Variants in XYLT1 observed in about 807,000 individuals in gnomAD.
The protein encoded by XYLT1 is beta-D-xylosyltransferase 1.
XYLT1 carries 36 observed loss-of-function variants against 91.3 expected under a neutral mutation model. The observed-to-expected ratio is 0.39, with a 90% CI of 0.30 to 0.52. The LOEUF (loss-of-function observed/expected upper bound fraction) is 0.52, where lower values mean the gene tolerates loss of function less well. XYLT1 is among the 20% of genes least tolerant of loss of function. XYLT1 has a pLI of 0.68. For missense variants in XYLT1, 1,242 were observed against 1,284.5 expected, an observed-to-expected ratio of 0.97 and a Z score of 0.51; for synonymous variants, 588 against 532.0, an observed-to-expected ratio of 1.11 and a Z score of -1.45.
At chr16:17,285,892 G>C (rs886160024) in intron 2 of XYLT1, among the ~76,000 whole-genome samples, 5 of 107,214 alleles carry the variant, frequency 4.7e-5, no homozygotes, top group Admixed American at 8.7e-5. Flanking sequence ...GTGTGTGTGT[G>C]TGTGTGTGTG....
intron 2 of XYLT1, among the ~76,000 whole-genome samples, chr16:17,302,073 G>A (rs1321011241): frequency 3.3e-5 from 5 of 152,058 alleles, no homozygotes; most frequent in African/African-American, 7.2e-5. Context: ...TTAGCCAGGC[G>A]TGGTGGCATA....
At chr16:17,248,080 T>C (rs1440218015) in intron 3 of XYLT1, among the ~76,000 whole-genome samples, 3 of 152,144 alleles carry the variant, frequency 2.0e-5, no homozygotes, top group East Asian at 3.9e-4. Flanking sequence ...ATAATTCCCA[T>C]GTGTCATGGG....
chr16:17,207,052 CTTTT>C (rs1211378641), intron 3 of XYLT1, among the ~76,000 whole-genome samples: 6 of 121,070 alleles, frequency 5.0e-5, no homozygotes, highest in South Asian at 2.4e-4. Flanking sequence ...TCTTTTCTTT[CTTTT>C]TTTTTTTTTT....
At chr16:17,277,281 G>T (rs1321715479) in intron 2 of XYLT1, among the ~76,000 whole-genome samples, 1 of 152,062 alleles carries the variant, frequency 6.6e-6, no homozygotes, top group African/African-American at 2.4e-5. Flanking sequence ...GTGTGATGCT[G>T]AAGTATGGAG....
intron 3 of XYLT1, among the ~76,000 whole-genome samples, chr16:17,208,461 T>C (rs2032697911): frequency 1.3e-5 from 2 of 152,204 alleles, no homozygotes; most frequent in African/African-American, 4.8e-5. Flanking sequence ...TCTGTGTATA[T>C]GTAATGAGAT....
intron 1 of XYLT1, among the ~76,000 whole-genome samples, chr16:17,417,381 G>C (rs2036192252): frequency 6.6e-6 from 1 of 152,026 alleles, no homozygotes; most frequent in Non-Finnish European, 1.5e-5. Context: ...GTCTAGTCTG[G>C]ATCCTTTTGC....
At chr16:17,147,744 G>A (rs1268229980) in intron 6 of XYLT1, among the ~76,000 whole-genome samples, 4 of 150,828 alleles carry the variant, frequency 2.7e-5, no homozygotes. Context: ...GGCATCAGCT[G>A]TTTGGGCAGG....
At chr16:17,370,968 T>C (rs1357890187) in intron 1 of XYLT1, among the ~76,000 whole-genome samples, 2 of 152,166 alleles carry the variant, frequency 1.3e-5, no homozygotes, top group African/African-American at 4.8e-5. Flanking sequence ...GTGGCTGCTG[T>C]GGGCATTGGT....
At chr16:17,396,636 C>T (rs548104256) in intron 1 of XYLT1, among the ~76,000 whole-genome samples, 2 of 152,222 alleles carry the variant, frequency 1.3e-5, no homozygotes, top group Non-Finnish European at 2.9e-5. Context: ...TTTGGGAGGC[C>T]GAGGCAGGCA....
chr16:17,327,581 C>T (rs1290974827), intron 2 of XYLT1, among the ~76,000 whole-genome samples: 1 of 132,208 alleles, frequency 7.6e-6, no homozygotes, highest in East Asian at 2.8e-4. Flanking sequence ...CCAGGATGGT[C>T]TCAATCTCCT....
intron 5 of XYLT1, among the ~76,000 whole-genome samples, chr16:17,177,047 C>T (rs1313264505): frequency 2.0e-5 from 3 of 152,192 alleles, no homozygotes; most frequent in Non-Finnish European, 4.4e-5. Context: ...TATCCCCTTG[C>T]CACACTCTGT....
rs1347330874 is a variant in XYLT1, at chr16:17,465,834, G to GC, written c.363+4599dup. ...TTTTTGAACACTGATTAAGGAACAGGCCCACATGAGTTCACATATATTGCT... is the reference window on the plus strand; with the variant it reads ...TTTTTGAACACTGATTAAGGAACAGGCCCCACATGAGTTCACATATATTGCT... On this transcript the variant is annotated intron_variant, in intron 1 of 11. Transcript: ENST00000261381. Among the ~76,000 whole-genome samples, 7 of 152,092 alleles carry GC rather than the reference G, an allele frequency of 4.6e-5. No individual in the cohort carries two copies. In the East Asian group the frequency reaches 7.7e-4, roughly 17 times the overall value.
chr16:17,234,389 C>T (rs1394762851), intron 3 of XYLT1, among the ~76,000 whole-genome samples: 1 of 152,150 alleles, frequency 6.6e-6, no homozygotes, highest in Non-Finnish European at 1.5e-5. Context: ...TTTGCCTTTC[C>T]GATGAGGCTC....
chr16:17,324,554 G>A (rs374839995), intron 2 of XYLT1, among the ~76,000 whole-genome samples: 227 of 152,312 alleles, frequency 1.5e-3, no homozygotes, highest in Non-Finnish European at 2.6e-3. Context: ...TGCCATGTCC[G>A]GTTACTATAA....
rs749673055 is a variant in XYLT1, at chr16:17,259,204, C to T, written c.697G>A (p.Val233Met). 1.2e-6 allele frequency: 2 copies of T among 1,613,846 alleles called. No individual in the cohort carries two copies. Among genetic ancestry groups the T allele is most frequent in the South Asian group, 2.2e-5 (2 of 91,060 alleles). ...TTCCTGGCATGAGGCGGTCTGGACA[C>T]ATCCTTCCCGTGGCTGCTGTTGGCT... The part of the protein sequence containing the change: ...AAANSSHGKD[V>M]SRPPHARKTG... Residue 233 changes from valine (V) to methionine (M), a missense_variant, in exon 3 of 12, where the codon GTG becomes ATG. This residue lies in a region of XYLT1 where 437 missense variants were observed against 411.5 expected (regional missense o/e 1.06). Transcript: ENST00000261381.
In XYLT1 at chr16:17,198,265, G is replaced by A. The variant is rs761553262; in HGVS notation, c.1236C>T (p.Thr412=). The part of the protein sequence containing the change: ...LQSMRDLLEM[T]DWPWDFFINL... ...TGATGAAGAAGTCCCAGGGCCAGTC[G>A]GTCATCTCCAGGAGGTCCCGCATGC... The change falls in exon 5 of 12, where the codon ACC becomes ACT. Residue 412 remains threonine (T), a synonymous_variant. Coordinates refer to ENST00000261381, the MANE Select transcript of XYLT1 (RefSeq NM_022166.4). 1.4e-5 allele frequency: 23 copies of A among 1,614,040 alleles called. No homozygotes were observed. The highest frequency in any genetic ancestry group is 4.5e-5 in the East Asian group (2 of 44,892).
intron 1 of XYLT1, among the ~76,000 whole-genome samples, chr16:17,385,523 T>A (rs1012670932): frequency 7.2e-5 from 11 of 152,000 alleles, no homozygotes; most frequent in African/African-American, 2.6e-4. Context: ...GCAAATGCAT[T>A]TTTGACACAA....
chr16:17,237,795 G>T (rs2033272032), intron 3 of XYLT1, among the ~76,000 whole-genome samples: 1 of 152,184 alleles, frequency 6.6e-6, no homozygotes. Context: ...TGACACTGGG[G>T]GTTCAGTCCA....
intron 5 of XYLT1, among the ~76,000 whole-genome samples, chr16:17,195,118 C>T (rs890007441): frequency 3.9e-5 from 6 of 152,210 alleles, no homozygotes; most frequent in Non-Finnish European, 8.8e-5. Flanking sequence ...GGTCACGAGT[C>T]AATGTCTGGA....
Sources: gnomAD v4.1 joint callset for allele counts (sites outside exome capture counted in the v4.1 genomes callset) on GRCh38, gnomAD v4.1.1 for gene constraint, gnomAD v4.1.1 regional missense constraint, MANE v1.5 for transcripts, NCBI Gene and HGNC (gene_info 2026-07-23, HGNC 2026-07-21) for gene names.